LRP1B: variants seen among roughly 807,000 people sequenced by gnomAD.
The protein encoded by LRP1B is low-density lipoprotein receptor-related protein 1B.
In LRP1B, 217 loss-of-function variants were observed where a neutral mutation model predicts 556.6. That is an observed-to-expected ratio of 0.39 (90% CI 0.35 to 0.44). LRP1B has a LOEUF of 0.44. Ranked by LOEUF, LRP1B falls within the 20% of genes least tolerant of loss-of-function variation. The pLI, the probability that LRP1B is intolerant of heterozygous loss-of-function variation, is 1.00. For missense variants in LRP1B, 5,053 were observed against 5,620.8 expected (o/e 0.90, Z 3.23); for synonymous variants, 2,047 against 1,865.8 (o/e 1.10, Z -2.50).
rs36060787 is a variant in LRP1B, at chr2:140,731,764, C to CAAAAAAAAAAA, written c.5759-14959_5759-14949dup. 6.7e-5 allele frequency among the ~76,000 whole-genome samples: 4 copies of CAAAAAAAAAAA among 59,400 alleles called. 1 individual carries two copies. Among genetic ancestry groups the CAAAAAAAAAAA allele is most frequent in the African/African-American group, 2.3e-4 (4 of 17,040 alleles). The allele number at this position is 59,400 out of a possible 152,430, so 39.0% of individuals were successfully genotyped here. On this transcript the variant is annotated intron_variant, in intron 35 of 90. Coordinates refer to ENST00000389484, the MANE Select transcript of LRP1B (RefSeq NM_018557.3). ...GCCTGGCAACAGAGTGAGACTCCGTCAAAAAAAAAAAAAAAAAAAAAAAAA... is the reference window on the plus strand; with the variant it reads ...GCCTGGCAACAGAGTGAGACTCCGTCAAAAAAAAAAAAAAAAAAAAAAAAAAAAAAAAAAAA...
chr2:140,696,624 A>C (rs1686438374), intron 41 of LRP1B, among the ~76,000 whole-genome samples: 1 of 152,164 alleles, frequency 6.6e-6, no homozygotes, highest in African/African-American at 2.4e-5. Flanking sequence ...GAATAGCAGG[A>C]GGTGAGCAGC....
intron 83 of LRP1B, among the ~76,000 whole-genome samples, chr2:140,309,553 T>TTATTCTCTC (rs1413518891): frequency 2.6e-5 from 4 of 151,712 alleles, no homozygotes; most frequent in Non-Finnish European, 4.4e-5. Flanking sequence ...ACTCTTACCT[T>TTATTCTCTC]TATTCTCTCA....
At chr2:140,537,410 G>A (rs917930517) in intron 45 of LRP1B, among the ~76,000 whole-genome samples, 24 of 151,622 alleles carry the variant, frequency 1.6e-4, no homozygotes, top group Non-Finnish European at 2.6e-4. Flanking sequence ...TGAACAATCC[G>A]GACTTTTCCC....
chr2:141,060,672 T>C (rs1699309598), intron 8 of LRP1B, among the ~76,000 whole-genome samples: 1 of 151,662 alleles, frequency 6.6e-6, no homozygotes, highest in African/African-American at 2.4e-5. Context: ...TTGGTCAAGG[T>C]AGAAAACATG....
intron 1 of LRP1B, among the ~76,000 whole-genome samples, chr2:141,833,515 G>A (rs1333807482): frequency 6.6e-6 from 1 of 151,852 alleles, no homozygotes; most frequent in Non-Finnish European, 1.5e-5. Flanking sequence ...GTGACAGAGT[G>A]ACAGGAATAG....
At chr2:140,689,054 A>G (rs1686148010) in intron 41 of LRP1B, among the ~76,000 whole-genome samples, 1 of 152,272 alleles carries the variant, frequency 6.6e-6, no homozygotes, top group African/African-American at 2.4e-5. Context: ...GTCCTAGACT[A>G]TGAATTAAAA....
At chr2:140,456,363 A>C in intron 62 of LRP1B, 92 bp downstream of exon 62, 6 of 1,235,810 alleles carry the variant, frequency 4.9e-6, no homozygotes, top group Non-Finnish European at 6.6e-6. Context: ...CCATCTCTAC[A>C]ATGTATGGAA....
chr2:140,713,680 C>G (rs1687115704), intron 37 of LRP1B, among the ~76,000 whole-genome samples: 1 of 152,028 alleles, frequency 6.6e-6, no homozygotes, highest in Non-Finnish European at 1.5e-5. Flanking sequence ...TATACAGACC[C>G]AAGTTGTCTT....
intron 25 of LRP1B, among the ~76,000 whole-genome samples, chr2:140,880,757 A>T (rs1157644204): frequency 6.6e-6 from 1 of 152,124 alleles, no homozygotes; most frequent in Non-Finnish European, 1.5e-5. Flanking sequence ...TTCATTTGTT[A>T]TTGTAAACAA....
At chr2:140,550,982 G>A (rs1034215108) in intron 43 of LRP1B, among the ~76,000 whole-genome samples, 1 of 151,996 alleles carries the variant, frequency 6.6e-6, no homozygotes, top group African/African-American at 2.4e-5. Flanking sequence ...AGAGAAATGA[G>A]AGCCCTTTCT....
chr2:141,945,064 T>C (rs1475474064), intron 1 of LRP1B, among the ~76,000 whole-genome samples: 1 of 152,226 alleles, frequency 6.6e-6, no homozygotes, highest in Non-Finnish European at 1.5e-5. Context: ...ATTTTTGTTG[T>C]CCTTTCTCCC....
chr2:141,353,737 A>T (rs1688526525), intron 3 of LRP1B, among the ~76,000 whole-genome samples: 2 of 151,946 alleles, frequency 1.3e-5, no homozygotes, highest in Admixed American at 1.3e-4. Flanking sequence ...CTTTTGGTGT[A>T]TCTTTCTTAT....
rs570526825 is a variant in LRP1B, at chr2:140,621,187, CT to C, written c.6800-19549del. On this transcript the variant is annotated intron_variant, in intron 41 of 90. Transcript: ENST00000389484. ...ATGAGGTCAGGAGTTCGAGACCATC[CT>C]GGCTAACACGGTGAAACCCCATCTC... 4.6e-3 allele frequency among the ~76,000 whole-genome samples: 701 copies of C among 151,522 alleles called. 11 individuals are homozygous for C. Among genetic ancestry groups the C allele is most frequent in the African/African-American group, 0.016 (653 of 41,260 alleles).
At chr2:140,378,842 T>C (rs1250461755) in intron 67 of LRP1B, among the ~76,000 whole-genome samples, 1 of 152,226 alleles carries the variant, frequency 6.6e-6, no homozygotes, top group African/African-American at 2.4e-5. Flanking sequence ...AGCTAGTTTG[T>C]AAGATTCATC....
intron 1 of LRP1B, among the ~76,000 whole-genome samples, chr2:141,919,308 T>C (rs1700117947): frequency 6.6e-6 from 1 of 152,082 alleles, no homozygotes; most frequent in Admixed American, 6.6e-5. Flanking sequence ...TTGTAAATGA[T>C]GATATATGTA....
At chr2:141,468,987 G>C (rs1468677634) in intron 3 of LRP1B, among the ~76,000 whole-genome samples, 1 of 152,046 alleles carries the variant, frequency 6.6e-6, no homozygotes, top group South Asian at 2.1e-4. Context: ...GTGGGTTGTT[G>C]GACCGGTTCT....
intron 1 of LRP1B, among the ~76,000 whole-genome samples, chr2:141,875,698 C>G (rs1453372058): frequency 6.6e-6 from 1 of 151,874 alleles, no homozygotes; most frequent in Non-Finnish European, 1.5e-5. Context: ...AAGGTAAGTT[C>G]CCCCACAAGG....
At chr2:140,513,714 G>T (rs1398488417) in intron 51 of LRP1B, among the ~76,000 whole-genome samples, 1 of 151,930 alleles carries the variant, frequency 6.6e-6, no homozygotes, top group Non-Finnish European at 1.5e-5. Flanking sequence ...CTATATGTTT[G>T]TGACAGAAAT....
intron 9 of LRP1B, 69 bp from the exon 10 acceptor site, chr2:141,055,328 T>C (rs1699149753): frequency 1.3e-6 from 2 of 1,520,952 alleles, no homozygotes; most frequent in African/African-American, 1.4e-5. Flanking sequence ...TGCATCAGTA[T>C]GTCAAAATTT....
Sources: allele counts gnomAD v4.1 joint callset (sites outside exome capture counted in the v4.1 genomes callset), GRCh38; gene constraint gnomAD v4.1.1; transcripts MANE v1.5; gene names NCBI Gene and HGNC (gene_info 2026-07-23, HGNC 2026-07-21).